The following RALYL variants were observed in gnomAD, a reference collection of about 807,000 sequenced individuals.
RALYL encodes RNA-binding Raly-like protein.
RALYL carries 29 observed loss-of-function variants against 35.1 expected under a neutral mutation model. The ratio of observed to expected loss-of-function variants is 0.83; its 90% CI spans 0.61 to 1.13. The LOEUF is 1.13. Ranked by LOEUF, RALYL falls within the 50% of genes most tolerant of loss-of-function variation. RALYL has a pLI of 0.00. For missense variants in RALYL, 359 were observed against 360.4 expected, an observed-to-expected ratio of 1.00 and a Z score of 0.03; for synonymous variants, 120 against 127.6, an observed-to-expected ratio of 0.94 and a Z score of 0.40.
intron 2 of RALYL, among the ~76,000 whole-genome samples, chr8:84,535,806 G>C (rs184925058): frequency 6.6e-6 from 1 of 151,716 alleles, no homozygotes; most frequent in Non-Finnish European, 1.5e-5. Context: ...GATACCTATA[G>C]TACCCCTTCC....
intron 2 of RALYL, among the ~76,000 whole-genome samples, chr8:84,636,424 A>C (rs1383176474): frequency 6.6e-6 from 1 of 151,814 alleles, no homozygotes; most frequent in African/African-American, 2.4e-5. Context: ...TGTACGCAGG[A>C]CAAGTCAGGA....
chr8:84,830,021 G>A (rs903669160), intron 4 of RALYL, among the ~76,000 whole-genome samples: 12 of 141,038 alleles, frequency 8.5e-5, no homozygotes, highest in Admixed American at 4.2e-4. Flanking sequence ...TATACTGGGG[G>A]GGGGGGGGCA....
At chr8:84,838,485 A>G (rs1832491222) in intron 4 of RALYL, among the ~76,000 whole-genome samples, 2 of 152,208 alleles carry the variant, frequency 1.3e-5, no homozygotes, top group Admixed American at 1.3e-4. Context: ...AACTACTGCC[A>G]TGACATTTCT....
chr8:84,396,160 A>G (rs968655635), intron 1 of RALYL, among the ~76,000 whole-genome samples: 3 of 152,004 alleles, frequency 2.0e-5, no homozygotes, highest in East Asian at 1.9e-4. Flanking sequence ...AGTTTGTTGT[A>G]TGCATCCAGA....
At chr8:84,722,060 T>C (rs1019920982) in intron 2 of RALYL, among the ~76,000 whole-genome samples, 12 of 152,194 alleles carry the variant, frequency 7.9e-5, no homozygotes, top group East Asian at 7.7e-4. Context: ...ATGCCACACA[T>C]TAAATTAACT....
intron 4 of RALYL, among the ~76,000 whole-genome samples, chr8:84,822,240 T>A (rs1487521788): frequency 6.6e-6 from 1 of 152,186 alleles, no homozygotes; most frequent in African/African-American, 2.4e-5. Flanking sequence ...ATTTTAAAGA[T>A]GTGTTCTGTA....
intron 1 of RALYL, among the ~76,000 whole-genome samples, chr8:84,484,319 G>C (rs924977117): frequency 1.3e-5 from 2 of 152,066 alleles, no homozygotes; most frequent in African/African-American, 2.4e-5. Flanking sequence ...CAGAGTTCTT[G>C]AAAGTAGAGT....
chr8:84,371,393 A>G (rs566896873), intron 1 of RALYL, among the ~76,000 whole-genome samples: 1 of 152,144 alleles, frequency 6.6e-6, no homozygotes, highest in South Asian at 2.1e-4. Context: ...AAAAGCCACA[A>G]CAAAAAACTA....
At chr8:84,590,911 A>T (rs1346423673) in intron 2 of RALYL, among the ~76,000 whole-genome samples, 1 of 151,966 alleles carries the variant, frequency 6.6e-6, no homozygotes, top group African/African-American at 2.4e-5. Flanking sequence ...ACTGGTATTT[A>T]TATTTCGTCT....
chr8:84,649,403 T>G (rs1828210420), intron 2 of RALYL, among the ~76,000 whole-genome samples: 6 of 151,978 alleles, frequency 3.9e-5, no homozygotes, highest in Admixed American at 3.9e-4. Flanking sequence ...CTAGGGTTTT[T>G]ATGGTTTTAG....
At chr8:84,538,325 T>C (rs1370603692) in intron 2 of RALYL, among the ~76,000 whole-genome samples, 2 of 152,228 alleles carry the variant, frequency 1.3e-5, no homozygotes, top group Non-Finnish European at 1.5e-5. Context: ...GTATTAGTTC[T>C]AACTTGCTTG....
At chr8:84,271,527 C>G (rs988858933) in intron 1 of RALYL, among the ~76,000 whole-genome samples, 11 of 150,228 alleles carry the variant, frequency 7.3e-5, no homozygotes, top group African/African-American at 1.7e-4. Context: ...TTTCTAGTAT[C>G]TAGGTAAGAT....
chr8:84,758,839 G>A (rs1812035058), intron 2 of RALYL, among the ~76,000 whole-genome samples: 1 of 152,152 alleles, frequency 6.6e-6, no homozygotes, highest in African/African-American at 2.4e-5. Context: ...GAAGGCTATT[G>A]TATTAATTTT....
At chr8:84,588,680 C>T (rs191341365) in intron 2 of RALYL, among the ~76,000 whole-genome samples, 1 of 152,070 alleles carries the variant, frequency 6.6e-6, no homozygotes, top group African/African-American at 2.4e-5. Flanking sequence ...CCTGGAAAAA[C>T]CAAAAGAAAT....
chr8:84,237,981 A>G (rs531609046), intron 1 of RALYL, among the ~76,000 whole-genome samples: 24 of 147,094 alleles, frequency 1.6e-4, no homozygotes, highest in African/African-American at 5.9e-4. Flanking sequence ...AATCTAAAAA[A>G]AAGAAGAAAA....
In RALYL at chr8:84,710,597, C is replaced by T. The variant is rs1305297665; in HGVS notation, c.257-63982C>T. Among the ~76,000 whole-genome samples the T allele has an allele frequency of 9.9e-5, 15 of 152,130 alleles. No homozygotes were observed. In the East Asian group the frequency reaches 1.7e-3, roughly 18 times the overall value. On this transcript the variant is annotated intron_variant, in intron 2 of 8. Transcript: ENST00000521268. ...GATTACAGTTGTGAGCCACTGCACT[C>T]GGCCTCAGTTCATATATTGTAATTT... is the stretch of plus-strand genomic sequence containing the variant.
chr8:84,742,084 C>A (rs73300122), intron 2 of RALYL, among the ~76,000 whole-genome samples: 3,064 of 151,956 alleles, frequency 0.02, 113 homozygotes, highest in African/African-American at 0.07. Flanking sequence ...TTAAGGAGCT[C>A]AAATGTTCTT....
chr8:84,890,835 A>G (rs1843713849), intron 8 of RALYL, among the ~76,000 whole-genome samples: 1 of 152,050 alleles, frequency 6.6e-6, no homozygotes, highest in Non-Finnish European at 1.5e-5. Flanking sequence ...GAGTTAGGAT[A>G]TTAGTAAAAA....
intron 8 of RALYL, among the ~76,000 whole-genome samples, chr8:84,888,728 C>A (rs915666227): frequency 6.6e-6 from 1 of 151,876 alleles, no homozygotes; most frequent in Non-Finnish European, 1.5e-5. Context: ...TTTATGGCAC[C>A]TTTATTATTT....
Sources: allele counts gnomAD v4.1 joint callset (sites outside exome capture counted in the v4.1 genomes callset), GRCh38; gene constraint gnomAD v4.1.1; transcripts MANE v1.5; gene names NCBI Gene and HGNC (gene_info 2026-07-23, HGNC 2026-07-21).